Variants in MOCS2 observed in about 807,000 individuals in gnomAD.
The protein encoded by MOCS2 is molybdenum cofactor synthesis 2, also known as molybdopterin synthase catalytic subunit.
A neutral mutation model predicts 21.9 loss-of-function variants in MOCS2; 13 were observed. The ratio of observed to expected loss-of-function variants is 0.59; its 90% CI spans 0.39 to 0.94. The LOEUF (loss-of-function observed/expected upper bound fraction) is 0.94. Among genes scored for constraint, MOCS2 ranks in the 40% least tolerant of loss-of-function variants. The pLI is 0.00. For synonymous variants in MOCS2, 92 were observed against 80.8 expected (o/e 1.14, Z -0.74); for missense variants, 227 against 218.3 (o/e 1.04, Z -0.25).
chr5:53,105,267 C>T (rs949804339), intron 3 of MOCS2, among the ~76,000 whole-genome samples: 17 of 151,992 alleles, frequency 1.1e-4, no homozygotes, highest in African/African-American at 4.1e-4. Context: ...TTGAAAACCT[C>T]TTGAATCCTC....
At chr5:53,104,413 A>G (rs1023791605) in intron 3 of MOCS2, among the ~76,000 whole-genome samples, 1 of 152,214 alleles carries the variant, frequency 6.6e-6, no homozygotes, top group African/African-American at 2.4e-5. Context: ...GCTTTTGAGT[A>G]ATCTTCGTAA....
intron 5 of MOCS2, chr5:53,100,790 C>A: frequency 2.2e-6 from 1 of 460,356 alleles, no homozygotes; most frequent in Non-Finnish European, 4.0e-6. Context: ...CAAGGAAAAT[C>A]CTTTCATTGA....
chr5:53,101,937 A>G (rs557923586), intron 4 of MOCS2, among the ~76,000 whole-genome samples, 160 bp downstream of exon 4: 56 of 152,338 alleles, frequency 3.7e-4, no homozygotes, highest in African/African-American at 1.3e-3. Flanking sequence ...GAAGGTTACT[A>G]AAACAAAACA....
rs1740732435 is a variant in MOCS2, at chr5:53,096,386, A to G, written c.*2216T>C. On this transcript the variant is annotated 3_prime_UTR_variant, in exon 7 of 7. Transcript: ENST00000396954. The stretch of plus-strand genomic sequence containing the variant: ...ACCTGTTCAAAAATACTTGAAACAT[A>G]AATAATTTGAATTTCCTATTTCTTA... 6.6e-6 allele frequency: 1 copy of G among 152,254 alleles called. No homozygotes were observed. The highest frequency in any genetic ancestry group is 2.4e-5 in the African/African-American group (1 of 41,470). The allele number at this position is 152,254 out of a possible 1,614,324, so 9.4% of individuals were successfully genotyped here.
At chr5:53,099,560 A>G (rs1208440783) in intron 6 of MOCS2, among the ~76,000 whole-genome samples, 1 of 152,172 alleles carries the variant, frequency 6.6e-6, no homozygotes, top group Non-Finnish European at 1.5e-5. Context: ...GTATTCTAAC[A>G]ATGGGCTTCA....
intron 4 of MOCS2, among the ~76,000 whole-genome samples, 180 bp downstream of exon 4, chr5:53,101,917 A>G (rs996893019): frequency 2.0e-5 from 3 of 152,346 alleles, no homozygotes; most frequent in Middle Eastern, 3.4e-3. Context: ...AATTTAATAT[A>G]GGTTAATTTG....
chr5:53,102,909 G>A (rs1477205696), intron 3 of MOCS2, among the ~76,000 whole-genome samples: 1 of 149,728 alleles, frequency 6.7e-6, no homozygotes, highest in Non-Finnish European at 1.5e-5. Flanking sequence ...AACTGATCAT[G>A]CCACTGCACT....
At chr5:53,101,205 G>C in intron 5 of MOCS2, 154 bp downstream of exon 5, 1 of 808,870 alleles carries the variant, frequency 1.2e-6, no homozygotes, top group Non-Finnish European at 2.0e-6. Flanking sequence ...GTCCCTAAAG[G>C]TACTAACAGC....
chr5:53,108,535 T>C lies in MOCS2; in HGVS notation c.-61A>G, dbSNP rs1415513221. ...ATTTTTAACTACCCAGGATGTCGAG[T>C]TTCTATCTCCTTCCACAGCTGCAAC... On this transcript the variant is annotated 5_prime_UTR_variant, in exon 2 of 7. Coordinates refer to ENST00000396954, the MANE Select transcript of MOCS2 (RefSeq NM_004531.5). 1.7e-5 allele frequency: 27 copies of C among 1,613,014 alleles called. No homozygotes were observed. Among genetic ancestry groups the C allele is most frequent in the Non-Finnish European group, 2.3e-5 (27 of 1,179,658 alleles).
Position 53,107,175 on chromosome 5 carries a change from A to G in MOCS2, c.-1T>C, listed in dbSNP as rs776355678. The G allele has an allele frequency of 1.9e-6, 3 of 1,614,142 alleles. No individual in the cohort carries two copies. Among genetic ancestry groups the G allele is most frequent in the Non-Finnish European group, 1.7e-6 (2 of 1,179,990 alleles). On this transcript the variant is annotated 5_prime_UTR_variant, in exon 3 of 7. Transcript: ENST00000396954. Reference sequence around the variant, plus strand: ...AGGAGCTGATCTCCAAGCTCGACATATTCTTGACGAACAGCAAATATTATC... The same window carrying G: ...AGGAGCTGATCTCCAAGCTCGACATGTTCTTGACGAACAGCAAATATTATC...
chr5:53,107,296 T>C, intron 2 of MOCS2, 75 bp from the exon 3 acceptor site: 1 of 1,324,334 alleles, frequency 7.6e-7, no homozygotes, highest in Non-Finnish European at 1.1e-6. Flanking sequence ...CAATTAGAGA[T>C]ATTACATAGA....
At position 53,101,386 on chromosome 5, in the gene MOCS2, TTGAC is replaced by T. The variant is rs398122798; in HGVS notation, c.346_349del (p.Val116AsnfsTer3). 2.2e-5 allele frequency: 36 copies of T among 1,614,008 alleles called. No homozygotes were observed. The highest frequency in any genetic ancestry group is 5.3e-5 in the African/African-American group (4 of 75,070). ...AAGTCTATGGAACACTGCTATGTGT[TTGAC>T]TGGCCATTTCTGCCTAATGTCACTA... On this transcript the variant is annotated frameshift_variant, in exon 5 of 7. Coordinates refer to ENST00000396954, the MANE Select transcript of MOCS2 (RefSeq NM_004531.5). LOFTEE classifies it high-confidence loss of function.
intron 3 of MOCS2, among the ~76,000 whole-genome samples, chr5:53,106,731 T>C (rs1315772919): frequency 6.6e-6 from 1 of 152,236 alleles, no homozygotes; most frequent in East Asian, 1.9e-4. Flanking sequence ...ATTAGCTATG[T>C]GATCAAAGGC....
rs967379249 is a variant in MOCS2 at position 53,098,480 on chromosome 5, C to T, written c.*122G>A. 2.0e-4 allele frequency: 167 copies of T among 834,626 alleles called. 1 individual carries two copies. In the Middle Eastern group the frequency reaches 2.6e-3, roughly 13 times the overall value. 51.7% of individuals were successfully genotyped at this position (834,626 alleles called of 1,614,324 possible). A position where few individuals can be genotyped will look rare whatever the true frequency, so the allele number is the denominator to read the frequency against. ...CTTGCTTCCTTTTTCTCCCTTTTGT[C>T]CCACTAGTATAAGAGATTGTGCTTC... On this transcript the variant is annotated 3_prime_UTR_variant, in exon 7 of 7. Coordinates refer to ENST00000396954, the MANE Select transcript of MOCS2 (RefSeq NM_004531.5).
chr5:53,098,758 C>T, intron 6 of MOCS2, 91 bp from the exon 7 acceptor site: 1 of 933,806 alleles, frequency 1.1e-6, no homozygotes, highest in Non-Finnish European at 1.7e-6. Flanking sequence ...AAATGAATAT[C>T]ACATCTATTT....
intron 4 of MOCS2, 151 bp downstream of exon 4, chr5:53,101,946 C>A: frequency 2.6e-6 from 2 of 765,416 alleles, no homozygotes; most frequent in South Asian, 1.7e-5. Flanking sequence ...TAAAACAAAA[C>A]AAGAACTAAA....
intron 3 of MOCS2, 24 bp downstream of exon 3, chr5:53,107,049 CTGAT>C: frequency 6.2e-7 from 1 of 1,613,448 alleles, no homozygotes; most frequent in South Asian, 1.1e-5. Context: ...CCCCACACGA[CTGAT>C]TAAGAAAAAC....
chr5:53,108,560 C>A lies in MOCS2; in HGVS notation c.-86G>T. The A allele has an allele frequency of 6.2e-7, 1 of 1,613,664 alleles. No individual in the cohort carries two copies. Among genetic ancestry groups the A allele is most frequent in the South Asian group, 1.1e-5 (1 of 91,030 alleles). On this transcript the variant is annotated 5_prime_UTR_variant, in exon 2 of 7. Coordinates refer to ENST00000396954, the MANE Select transcript of MOCS2 (RefSeq NM_004531.5). Reference sequence around the variant, plus strand: ...TTTCTATCTCCTTCCACAGCTGCAACGCTTTTATTTCTTGAGGCACAGAAA... The same window carrying A: ...TTTCTATCTCCTTCCACAGCTGCAAAGCTTTTATTTCTTGAGGCACAGAAA...
At position 53,102,228 on chromosome 5, in the gene MOCS2, G is replaced by A; in HGVS notation, c.99-4C>T. 1 of 1,610,704 alleles carries A rather than the reference G, an allele frequency of 6.2e-7. No individual in the cohort carries two copies. Among genetic ancestry groups the A allele is most frequent in the Non-Finnish European group, 8.5e-7 (1 of 1,177,544 alleles). Reference sequence around the variant, plus strand: ...TTCAACTTCATCCATATCTTTCCTAGAAATAATACATTAACAAACCTTAAC... The same window carrying A: ...TTCAACTTCATCCATATCTTTCCTAAAAATAATACATTAACAAACCTTAAC... On this transcript the variant is annotated splice_region_variant and splice_polypyrimidine_tract_variant and intron_variant, in intron 3 of 6. Transcript: ENST00000396954.
Sources: gnomAD v4.1 joint callset for allele counts (sites outside exome capture counted in the v4.1 genomes callset) on GRCh38, gnomAD v4.1.1 for gene constraint, MANE v1.5 for transcripts, NCBI Gene and HGNC (gene_info 2026-07-23, HGNC 2026-07-21) for gene names.